The following TAFA5 variants were observed in gnomAD, a reference collection of about 807,000 sequenced individuals.
TAFA5 encodes chemokine-like protein TAFA-5.
Under a neutral mutation model 15.3 loss-of-function variants are expected in TAFA5, and 6 were observed. That is an observed-to-expected ratio of 0.39 (90% CI 0.21 to 0.77). The LOEUF (loss-of-function observed/expected upper bound fraction) is 0.77, where lower values mean the gene tolerates loss of function less well. TAFA5 is among the 30% of genes least tolerant of loss of function. The pLI is 0.41. For missense variants in TAFA5, 161 were observed against 193.1 expected (o/e 0.83, Z 0.98); for synonymous variants, 103 against 80.7 (o/e 1.28, Z -1.48).
chr22:48,673,664 T>C (rs1209232320), intron 2 of TAFA5, among the ~76,000 whole-genome samples: 1 of 152,084 alleles, frequency 6.6e-6, no homozygotes, highest in East Asian at 1.9e-4. Context: ...AATGGATCAT[T>C]TGAGGCTTGG....
At chr22:48,539,660 A>G (rs1044498675) in intron 1 of TAFA5, among the ~76,000 whole-genome samples, 5 of 152,176 alleles carry the variant, frequency 3.3e-5, no homozygotes, top group African/African-American at 1.2e-4. Flanking sequence ...GGGCCTGCCC[A>G]CGGGAACAGA....
intron 1 of TAFA5, among the ~76,000 whole-genome samples, chr22:48,510,617 G>A (rs571132464): frequency 6.6e-6 from 1 of 152,354 alleles, no homozygotes; most frequent in South Asian, 2.1e-4. Context: ...ATTCTGGGGT[G>A]GGGGAACCTG....
At position 48,698,075 on chromosome 22, in the gene TAFA5, A is replaced by G. The variant is rs79468580; in HGVS notation, c.263-9642A>G. Among the ~76,000 whole-genome samples the G allele has an allele frequency of 2.3e-3, 117 of 50,902 alleles. 1 individual carries two copies. The highest frequency in any genetic ancestry group is 6.3e-3 in the African/African-American group (60 of 9,458). 33.4% of individuals were successfully genotyped at this position (50,902 alleles called of 152,430 possible). A position where few individuals can be genotyped will look rare whatever the true frequency, so the allele number is the denominator to read the frequency against. ...TTAGGATGATGTCATAATGATGGTG[A>G]TGGTGATGGTGGTGATAATGGTGGT... On this transcript the variant is annotated intron_variant, in intron 2 of 3. Coordinates refer to ENST00000402357, the MANE Select transcript of TAFA5 (RefSeq NM_001082967.3).
chr22:48,670,676 G>A (rs1927774439), intron 2 of TAFA5, among the ~76,000 whole-genome samples: 1 of 152,260 alleles, frequency 6.6e-6, no homozygotes, highest in Admixed American at 6.5e-5. Flanking sequence ...GGAGCGGCTG[G>A]TTAATGACCC....
rs935341764 is a variant in TAFA5 at position 48,742,022 on chromosome 22, C to G, written c.391-7817C>G. Among the ~76,000 whole-genome samples, 7 of 152,354 alleles carry G rather than the reference C, an allele frequency of 4.6e-5. No individual in the cohort carries two copies. Among genetic ancestry groups the G allele is most frequent in the African/African-American group, 1.7e-4 (7 of 41,592 alleles). On this transcript the variant is annotated intron_variant, in intron 3 of 3. Transcript: ENST00000402357. The surrounding 1 kb of genome is among the most constrained non-coding windows in gnomAD (Gnocchi z 6.2). ...AGAACCCCATGGTTGGGGGTAAACA[C>G]TGTTCCTATCCCGTGTTACAGACGG...
intron 1 of TAFA5, chr22:48,546,644 T>A: frequency 2.1e-6 from 1 of 468,754 alleles, no homozygotes; most frequent in Admixed American, 2.4e-5. Context: ...GCCTGGCGAG[T>A]CCTCCTCCTA....
chr22:48,599,445 A>T (rs1168010021), intron 1 of TAFA5, among the ~76,000 whole-genome samples: 1 of 152,228 alleles, frequency 6.6e-6, no homozygotes, highest in African/African-American at 2.4e-5. Flanking sequence ...TGGGCGTCAC[A>T]GGCCCACAGG....
At chr22:48,665,441 G>A (rs747328740) in intron 2 of TAFA5, among the ~76,000 whole-genome samples, 1 of 152,138 alleles carries the variant, frequency 6.6e-6, no homozygotes, top group Non-Finnish European at 1.5e-5. Context: ...TTTGCATTCT[G>A]TGTGGGAAAC....
At chr22:48,538,697 T>G (rs1478650105) in intron 1 of TAFA5, among the ~76,000 whole-genome samples, 1 of 152,202 alleles carries the variant, frequency 6.6e-6, no homozygotes, top group African/African-American at 2.4e-5. Context: ...CGGCATGGTC[T>G]TGCCGTGGGA....
At chr22:48,581,310 G>A (rs1194785820) in intron 1 of TAFA5, among the ~76,000 whole-genome samples, 2 of 152,234 alleles carry the variant, frequency 1.3e-5, no homozygotes, top group Non-Finnish European at 2.9e-5. Flanking sequence ...CCTGCCGAGG[G>A]CCAGGCTGGC....
chr22:48,494,337 G>A (rs1410649060), intron 1 of TAFA5, among the ~76,000 whole-genome samples: 3 of 152,218 alleles, frequency 2.0e-5, no homozygotes, highest in African/African-American at 4.8e-5. Context: ...GCGCTCTGGA[G>A]TTAATGACCT....
intron 1 of TAFA5, among the ~76,000 whole-genome samples, chr22:48,619,992 T>G (rs2147180654): frequency 6.6e-6 from 1 of 152,318 alleles, no homozygotes; most frequent in East Asian, 1.9e-4. Context: ...GAGATTTGCC[T>G]GTGTCTTAGT....
chr22:48,501,381 G>C (rs980799689), intron 1 of TAFA5, among the ~76,000 whole-genome samples: 2 of 152,244 alleles, frequency 1.3e-5, no homozygotes, highest in African/African-American at 4.8e-5. Flanking sequence ...CCGCCCTCGC[G>C]TCTGGGCGTT....
At position 48,560,371 on chromosome 22, in the gene TAFA5, C is replaced by T. The variant is rs1923187133; in HGVS notation, c.112+70667C>T. On this transcript the variant is annotated intron_variant, in intron 1 of 3. Coordinates refer to ENST00000402357, the MANE Select transcript of TAFA5 (RefSeq NM_001082967.3). This position sits in a 1 kb window ranked among gnomAD's most constrained non-coding sequence, Gnocchi z 4.2. ...GCAGGCCCCCCAGCATTTCCATTCT[C>T]GGCCTCCAATCCCTGGAGACCACAC... is the stretch of plus-strand genomic sequence containing the variant. 6.6e-6 allele frequency among the ~76,000 whole-genome samples: 1 copy of T among 152,082 alleles called. No homozygotes were observed. The highest frequency in any genetic ancestry group is 2.4e-5 in the African/African-American group (1 of 41,412).
intron 2 of TAFA5, among the ~76,000 whole-genome samples, chr22:48,677,295 T>C (rs975414960): frequency 2.0e-5 from 3 of 152,220 alleles, no homozygotes; most frequent in African/African-American, 7.2e-5. Flanking sequence ...GCCCGCCCGC[T>C]GTGCTCCCGA....
At chr22:48,638,728 C>T (rs575450592) in intron 1 of TAFA5, among the ~76,000 whole-genome samples, 83 of 143,204 alleles carry the variant, frequency 5.8e-4, no homozygotes, top group African/African-American at 2.1e-3. Flanking sequence ...GGGGGGACCC[C>T]GACACTAAGC....
At chr22:48,673,629 T>C (rs1927871642) in intron 2 of TAFA5, among the ~76,000 whole-genome samples, 1 of 152,174 alleles carries the variant, frequency 6.6e-6, no homozygotes, top group African/African-American at 2.4e-5. Flanking sequence ...CCTGGCTGTG[T>C]ACTGTGTGTA....
chr22:48,571,607 G>C (rs1439326524), intron 1 of TAFA5, among the ~76,000 whole-genome samples: 450 of 16,578 alleles, frequency 0.027, 3 homozygotes, highest in African/African-American at 0.067. Flanking sequence ...TTTTTTTTTT[G>C]CTTTAAAAAA....
chr22:48,635,204 G>C (rs1926401730), intron 1 of TAFA5, among the ~76,000 whole-genome samples: 1 of 152,214 alleles, frequency 6.6e-6, no homozygotes, highest in African/African-American at 2.4e-5. Context: ...GGGCCAGCCT[G>C]TCCCAAGCCA....
Sources: gnomAD v4.1 joint callset for allele counts (sites outside exome capture counted in the v4.1 genomes callset) on GRCh38, gnomAD v4.1.1 for gene constraint, Gnocchi (gnomAD v3.1) non-coding constraint, MANE v1.5 for transcripts, NCBI Gene and HGNC (gene_info 2026-07-23, HGNC 2026-07-21) for gene names.